Variants in HPSE2 observed in about 807,000 individuals in gnomAD.
The protein encoded by HPSE2 is heparanase 2 (inactive), also known as inactive heparanase-2.
In HPSE2, 38 loss-of-function variants were observed where a neutral mutation model predicts 60.5. The observed-to-expected ratio is 0.63, with a 90% CI of 0.48 to 0.82. HPSE2 has a LOEUF of 0.82. Among genes scored for constraint, HPSE2 ranks in the 40% least tolerant of loss-of-function variants. HPSE2 has a pLI of 0.00. For missense variants in HPSE2, 713 were observed against 740.4 expected, an observed-to-expected ratio of 0.96 and a Z score of 0.43; for synonymous variants, 295 against 293.2, an observed-to-expected ratio of 1.01 and a Z score of -0.06.
At chr10:98,799,647 A>G (rs1950861053) in intron 3 of HPSE2, among the ~76,000 whole-genome samples, 1 of 152,202 alleles carries the variant, frequency 6.6e-6, no homozygotes, top group African/African-American at 2.4e-5. Flanking sequence ...GACACTATAC[A>G]AACACATGGA....
chr10:98,856,372 A>C (rs981748180), intron 3 of HPSE2, among the ~76,000 whole-genome samples: 1 of 152,202 alleles, frequency 6.6e-6, no homozygotes, highest in African/African-American at 2.4e-5. Context: ...CGGATTCAGA[A>C]AGCTTATAGA....
intron 3 of HPSE2, among the ~76,000 whole-genome samples, chr10:99,010,577 T>C (rs2487883): frequency 0.16 from 24,539 of 152,160 alleles, 2,197 homozygotes; most frequent in Admixed American, 0.23. Context: ...GGCAACTTCA[T>C]GGTATGAGAG....
At chr10:99,086,513 C>T (rs1478280779) in intron 3 of HPSE2, among the ~76,000 whole-genome samples, 4 of 150,706 alleles carry the variant, frequency 2.7e-5, no homozygotes, top group African/African-American at 9.7e-5. Flanking sequence ...CCACTACGCC[C>T]GGCTAATTTT....
chr10:98,885,259 C>T (rs1372018876), intron 3 of HPSE2, among the ~76,000 whole-genome samples: 1 of 152,116 alleles, frequency 6.6e-6, no homozygotes, highest in Non-Finnish European at 1.5e-5. Flanking sequence ...CATGATGAAA[C>T]TTTAATGGAT....
In HPSE2 at chr10:98,619,061, T is replaced by C. The variant is rs191217742; in HGVS notation, c.1205+1541A>G. ...CACTGAATCATTTTCTTCATCTGCG[T>C]TTGCCAGAACTCCATCTGTAAAGGC... On this transcript the variant is annotated intron_variant, in intron 8 of 11. Transcript: ENST00000370552. 1.4e-3 allele frequency among the ~76,000 whole-genome samples: 218 copies of C among 152,302 alleles called. 1 individual carries two copies. The highest frequency in any genetic ancestry group is 2.6e-3 in the Non-Finnish European group (175 of 68,016).
intron 3 of HPSE2, among the ~76,000 whole-genome samples, chr10:98,905,892 A>G (rs762599800): frequency 6.6e-6 from 1 of 152,182 alleles, no homozygotes; most frequent in Non-Finnish European, 1.5e-5. Context: ...TCTGCACAAA[A>G]CAAGCTGTAG....
At chr10:98,859,077 T>C (rs1197974019) in intron 3 of HPSE2, among the ~76,000 whole-genome samples, 4 of 152,180 alleles carry the variant, frequency 2.6e-5, no homozygotes, top group African/African-American at 9.7e-5. Flanking sequence ...CATAGGTGCG[T>C]TTCACTGTGC....
At chr10:98,614,684 T>C (rs1945854010) in intron 9 of HPSE2, among the ~76,000 whole-genome samples, 1 of 150,640 alleles carries the variant, frequency 6.6e-6, no homozygotes, top group Admixed American at 6.6e-5. Flanking sequence ...TGTGTATATA[T>C]AAAAGTGAGT....
At chr10:98,755,579 G>T (rs1949859309) in intron 3 of HPSE2, among the ~76,000 whole-genome samples, 1 of 152,154 alleles carries the variant, frequency 6.6e-6, no homozygotes, top group Admixed American at 6.5e-5. Flanking sequence ...CTTCTCATTT[G>T]CACATGGCAC....
intron 2 of HPSE2, among the ~76,000 whole-genome samples, chr10:99,192,978 C>A (rs1848272907): frequency 6.6e-6 from 1 of 151,926 alleles, no homozygotes; most frequent in South Asian, 2.1e-4. Flanking sequence ...AGTAAGTGTG[C>A]AGAAAAATAC....
intron 3 of HPSE2, among the ~76,000 whole-genome samples, chr10:98,866,314 A>G (rs968171224): frequency 6.6e-6 from 1 of 152,116 alleles, no homozygotes; most frequent in Admixed American, 6.6e-5. Flanking sequence ...AAACAATCCA[A>G]AATGAAATCC....
At chr10:99,275,815 C>T in the HPSE2 span, among the ~76,000 whole-genome samples, 1 of 152,100 alleles carries the variant, frequency 6.6e-6, no homozygotes, top group African/African-American at 2.4e-5. Context: ...TCAGAGCAGG[C>T]TCCTTCAGGC....
chr10:98,730,031 A>G (rs1337810167), intron 4 of HPSE2, among the ~76,000 whole-genome samples: 1 of 151,684 alleles, frequency 6.6e-6, no homozygotes, highest in East Asian at 1.9e-4. Context: ...CCACCCAACA[A>G]CAGCAGGATA....
At chr10:98,731,625 C>T (rs1051706025) in intron 4 of HPSE2, among the ~76,000 whole-genome samples, 4 of 152,170 alleles carry the variant, frequency 2.6e-5, no homozygotes, top group African/African-American at 9.7e-5. Context: ...GGAACTTTCT[C>T]AACTTGATAA....
chr10:98,693,959 A>G lies in HPSE2; in HGVS notation c.957-12T>C. ...CCACCTTCATGAATCTGTAAGGAAT[A>G]GAAAGAAAAAAGATATTACAACTTA... On this transcript the variant is annotated splice_polypyrimidine_tract_variant and intron_variant, in intron 5 of 11. Transcript: ENST00000370552. 1.2e-6 allele frequency: 2 copies of G among 1,605,764 alleles called. No individual in the cohort carries two copies. The highest frequency in any genetic ancestry group is 1.7e-6 in the Non-Finnish European group (2 of 1,172,582).
At chr10:98,605,193 T>C (rs1025185433) in intron 9 of HPSE2, among the ~76,000 whole-genome samples, 1 of 152,238 alleles carries the variant, frequency 6.6e-6, no homozygotes, top group African/African-American at 2.4e-5. Flanking sequence ...CTTTCCTCCC[T>C]GTCTTATTTT....
At chr10:99,180,573 G>A (rs1480067016) in intron 2 of HPSE2, among the ~76,000 whole-genome samples, 1 of 152,126 alleles carries the variant, frequency 6.6e-6, no homozygotes, top group Non-Finnish European at 1.5e-5. Flanking sequence ...AGGCCAGTTA[G>A]AATGGCGATC....
At chr10:98,720,921 G>C (rs1948906780) in intron 5 of HPSE2, among the ~76,000 whole-genome samples, 1 of 152,176 alleles carries the variant, frequency 6.6e-6, no homozygotes. Flanking sequence ...GTATAACCAG[G>C]AGGATTAGAA....
At chr10:98,632,245 C>A (rs1946383857) in intron 7 of HPSE2, among the ~76,000 whole-genome samples, 1 of 152,020 alleles carries the variant, frequency 6.6e-6, no homozygotes, top group Non-Finnish European at 1.5e-5. Flanking sequence ...GCATTTATAA[C>A]CCAAAAGGTA....
Sources: allele counts gnomAD v4.1 joint callset (sites outside exome capture counted in the v4.1 genomes callset), GRCh38; gene constraint gnomAD v4.1.1; transcripts MANE v1.5; gene names NCBI Gene and HGNC (gene_info 2026-07-23, HGNC 2026-07-21).